PHYH: variants seen among roughly 807,000 people sequenced by gnomAD.
PHYH encodes the protein phytanoyl-CoA 2-hydroxylase.
Under a neutral mutation model 38.5 loss-of-function variants are expected in PHYH, and 32 were observed. That is an observed-to-expected ratio of 0.83 (90% confidence interval 0.63 to 1.12). The LOEUF (loss-of-function observed/expected upper bound fraction) is 1.12. PHYH is among the 50% of genes most tolerant of loss of function. PHYH has a pLI of 0.00. For missense variants in PHYH, 426 were observed against 434.8 expected (o/e 0.98, Z 0.18); for synonymous variants, 166 against 157.9 (o/e 1.05, Z -0.38).
intron 4 of PHYH, among the ~76,000 whole-genome samples, chr10:13,294,131 G>A (rs948458876): frequency 6.6e-6 from 1 of 152,170 alleles, no homozygotes; most frequent in Non-Finnish European, 1.5e-5. Context: ...GAACCTGGGA[G>A]GAAGAGGTTG....
At chr10:13,286,491 A>G (rs767199897) in intron 6 of PHYH, among the ~76,000 whole-genome samples, 1 of 152,110 alleles carries the variant, frequency 6.6e-6, no homozygotes, top group Non-Finnish European at 1.5e-5. Context: ...TCACGAAGTC[A>G]GGAGATCGAG....
At chr10:13,294,691 G>T in intron 3 of PHYH, 95 bp from the exon 4 acceptor site, 1 of 1,032,030 alleles carries the variant, frequency 9.7e-7, no homozygotes. Flanking sequence ...TTGAGGGGTG[G>T]TTTCTCTGCA....
chr10:13,293,297 T>C (rs753485818), intron 4 of PHYH, among the ~76,000 whole-genome samples: 3 of 152,022 alleles, frequency 2.0e-5, no homozygotes, highest in Non-Finnish European at 4.4e-5. Context: ...TTTTTTGTTT[T>C]TTGTTTTTGT....
chr10:13,291,069 A>G (rs1835697451), intron 5 of PHYH, among the ~76,000 whole-genome samples: 1 of 133,688 alleles, frequency 7.5e-6, no homozygotes, highest in Admixed American at 9.1e-5. Flanking sequence ...GCGCTATCGC[A>G]CTCCAGCCTG....
intron 1 of PHYH, 139 bp from the exon 2 acceptor site, chr10:13,298,384 T>G (rs1832634140): frequency 1.6e-6 from 1 of 613,734 alleles, no homozygotes; most frequent in Non-Finnish European, 3.1e-6. Context: ...CTGGCCAACA[T>G]GGTGAAACCC....
At chr10:13,298,135 A>G (rs1832615633) in intron 2 of PHYH, 52 bp downstream of exon 2, 2 of 1,124,084 alleles carry the variant, frequency 1.8e-6, no homozygotes, top group Non-Finnish European at 2.7e-6. Context: ...TTACCACTCA[A>G]GAAACTTTTA....
chr10:13,292,476 G>A (rs1369885149), intron 4 of PHYH, among the ~76,000 whole-genome samples: 2 of 152,198 alleles, frequency 1.3e-5, no homozygotes, highest in South Asian at 2.1e-4. Flanking sequence ...TGTTAACCCA[G>A]TAATGACATG....
At chr10:13,289,403 G>A (rs972967559) in intron 5 of PHYH, among the ~76,000 whole-genome samples, 1 of 151,718 alleles carries the variant, frequency 6.6e-6, no homozygotes, top group African/African-American at 2.4e-5. Context: ...CACTGTGTTA[G>A]CCAGGATGGT....
At position 13,291,835 on chromosome 10, in the gene PHYH, A is replaced by G. The variant is rs540967136; in HGVS notation, c.492T>C (p.Asp164=). The change falls in exon 5 of 9, where the codon GAT becomes GAC. Residue 164 remains aspartate, a synonymous_variant. Transcript: ENST00000263038. The part of the protein sequence containing the change: ...MHTMLINKPP[D]SGKKTSRHPL... ...TTTCTTCTCCCTTACAATTACCAGAATCTGGAGGTTTGTTTATCAACATTG... is the reference window on the plus strand; with the variant it reads ...TTTCTTCTCCCTTACAATTACCAGAGTCTGGAGGTTTGTTTATCAACATTG... 2.5e-6 allele frequency: 4 copies of G among 1,603,528 alleles called. No individual in the cohort carries two copies. The highest frequency in any genetic ancestry group is 1.7e-5 in the Admixed American group (1 of 59,952).
intron 5 of PHYH, among the ~76,000 whole-genome samples, chr10:13,289,706 C>T (rs533127667): frequency 1.7e-3 from 260 of 151,470 alleles, no homozygotes; most frequent in Non-Finnish European, 3.1e-3. Context: ...CTGAGGCAGG[C>T]AGCTCTCTTG....
At chr10:13,296,785 C>T (rs867946210) in intron 2 of PHYH, among the ~76,000 whole-genome samples, 10 of 151,490 alleles carry the variant, frequency 6.6e-5, no homozygotes, top group Middle Eastern at 3.4e-3. Flanking sequence ...TGAAACCCGC[C>T]TCTACTAAAA....
At chr10:13,283,123 C>G (rs575460536) in intron 7 of PHYH, among the ~76,000 whole-genome samples, 1 of 113,834 alleles carries the variant, frequency 8.8e-6, no homozygotes, top group Non-Finnish European at 1.7e-5. Context: ...ACCTGGCTTT[C>G]ATAATCAATT....
rs979929457 is a variant in PHYH, at chr10:13,299,968, G to C, written c.75C>G (p.Val25=). 4 of 1,529,714 alleles carry C rather than the reference G, an allele frequency of 2.6e-6. No homozygotes were observed. The highest frequency in any genetic ancestry group is 3.5e-6 in the Non-Finnish European group (4 of 1,143,648). 94.8% of individuals were successfully genotyped at this position (1,529,714 alleles called of 1,614,324 possible). The part of the protein sequence containing the change: ...GHLGRPSAGA[V]VAHPTSGTIS... ...GAGCCCCGCGCAGCCCAAAGGATAC[G>C]ACAGCCCCGGCCGAGGGGCGGCCGA... The change falls in exon 1 of 9, where the codon GTC becomes GTG. Residue 25 remains valine (V), a splice_region_variant and synonymous_variant. Transcript: ENST00000263038.
rs1212269900 is a variant in PHYH, at chr10:13,282,928, T to C, written c.828+762A>G. Among the ~76,000 whole-genome samples, 3 of 151,892 alleles carry C rather than the reference T, an allele frequency of 2.0e-5. No homozygotes were observed. In the East Asian group the frequency reaches 5.8e-4, roughly 29 times the overall value. On this transcript the variant is annotated intron_variant, in intron 7 of 8. Coordinates refer to ENST00000263038, the MANE Select transcript of PHYH (RefSeq NM_006214.4). ...CTGACCCTGATGAGGCTGGTGGAAA[T>C]ATGAATGAATGGAAGACGAAATTTG...
Position 13,280,972 on chromosome 10 carries a change from A to T in PHYH, c.963+4T>A. 6.2e-7 allele frequency: 1 copy of T among 1,613,828 alleles called. No individual in the cohort carries two copies. The highest frequency in any genetic ancestry group is 8.5e-7 in the Non-Finnish European group (1 of 1,179,692). The stretch of plus-strand genomic sequence containing the variant: ...TTTTACCTTGCTATTGTATACAAAC[A>T]TACCTTCAAGTTCACGCTATTTTCA... On this transcript the variant is annotated splice_donor_region_variant and intron_variant, in intron 8 of 8. Transcript: ENST00000263038.
intron 6 of PHYH, among the ~76,000 whole-genome samples, chr10:13,287,069 G>A (rs924111471): frequency 1.3e-5 from 2 of 152,042 alleles, no homozygotes; most frequent in African/African-American, 2.4e-5. Flanking sequence ...AGCCAGGTGT[G>A]GTGGCTCACG....
At position 13,283,839 on chromosome 10, in the gene PHYH, C is replaced by T. The variant is rs201936962; in HGVS notation, c.679G>A (p.Gly227Arg). The T allele has an allele frequency of 6.2e-6, 10 of 1,613,602 alleles. No individual in the cohort carries two copies. The highest frequency in any genetic ancestry group is 1.3e-5 in the African/African-American group (1 of 75,002). ...LKPHDYPKWE[G>R]GVNKMFHGIQ... is the part of the protein sequence containing the mutation. ...CCGTGGAACATTTTGTTAACTCCCC[C>T]CTAGAACAAGAGGCAAGTGAAGTCT... The change falls in exon 7 of 9, where the codon GGG becomes AGG. Residue 227 changes from glycine to arginine, a missense_variant and splice_region_variant. Coordinates refer to ENST00000263038, the MANE Select transcript of PHYH (RefSeq NM_006214.4).
At chr10:13,293,665 C>T (rs1835767573) in intron 4 of PHYH, among the ~76,000 whole-genome samples, 1 of 152,000 alleles carries the variant, frequency 6.6e-6, no homozygotes, top group Non-Finnish European at 1.5e-5. Context: ...AATGGTCTCA[C>T]TATGTTGCCA....
chr10:13,297,531 G>A (rs1832595433), intron 2 of PHYH, among the ~76,000 whole-genome samples: 1 of 152,110 alleles, frequency 6.6e-6, no homozygotes, highest in Admixed American at 6.5e-5. Flanking sequence ...TCAGCTCACT[G>A]CAACCTTGAC....
Sources: allele counts gnomAD v4.1 joint callset (sites outside exome capture counted in the v4.1 genomes callset), GRCh38; gene constraint gnomAD v4.1.1; transcripts MANE v1.5; gene names NCBI Gene and HGNC (gene_info 2026-07-23, HGNC 2026-07-21).